The following SLC19A1 variants were observed in gnomAD, a reference collection of about 807,000 sequenced individuals.
SLC19A1 encodes reduced folate transporter.
In SLC19A1, 37 loss-of-function variants were observed where a neutral mutation model predicts 35.3. The ratio of observed to expected loss-of-function variants is 1.05; its 90% CI spans 0.81 to 1.38. The LOEUF is 1.38. Ranked by LOEUF, SLC19A1 falls within the 40% of genes most tolerant of loss-of-function variation. SLC19A1 has a pLI of 0.00. For synonymous variants in SLC19A1, 460 were observed against 398.5 expected (o/e 1.15, Z -1.84); for missense variants, 831 against 826.9 (o/e 1.00, Z -0.06).
intron 1 of SLC19A1, among the ~76,000 whole-genome samples, chr21:45,553,380 G>C (rs962716761): frequency 7.2e-5 from 11 of 151,948 alleles, no homozygotes; most frequent in African/African-American, 2.7e-4. Flanking sequence ...GAGCCACAGG[G>C]GACACGGCTC....
intron 1 of SLC19A1, among the ~76,000 whole-genome samples, chr21:45,538,456 C>T (rs886485522): frequency 6.6e-6 from 1 of 152,210 alleles, no homozygotes; most frequent in Non-Finnish European, 1.5e-5. Flanking sequence ...GCTGCTCTAG[C>T]GGCACCCAGG....
intron 1 of SLC19A1, among the ~76,000 whole-genome samples, chr21:45,541,389 T>A (rs1462409548): frequency 3.9e-5 from 6 of 152,170 alleles, no homozygotes; most frequent in Non-Finnish European, 2.9e-5. Context: ...GATCCTCGGG[T>A]CTCCGTAGGG....
chr21:45,509,231 G>A, downstream of SLC19A1: 1 of 1,319,596 alleles, frequency 7.6e-7, no homozygotes, highest in Non-Finnish European at 1.0e-6. Context: ...CAGAGTCGGG[G>A]GCGCAGCTCC....
In SLC19A1 at chr21:45,515,034, GGA is replaced by G. The variant is rs940465528; in HGVS notation, c.*622_*623del. The G allele has an allele frequency of 4.5e-6, 7 of 1,542,160 alleles. No individual in the cohort carries two copies. The African/African-American group carries it at 8.3e-5, about 18-fold the overall frequency. Reference sequence around the variant, plus strand: ...ACCATGGAGGGCTGCCCTTAGGGTGGGAGAGAGGAACCAGCTCCGAGGACCAG... The same window carrying G: ...ACCATGGAGGGCTGCCCTTAGGGTGGGAGAGGAACCAGCTCCGAGGACCAG... On this transcript the variant is annotated 3_prime_UTR_variant, in exon 6 of 6. Coordinates refer to ENST00000311124, the MANE Select transcript of SLC19A1 (RefSeq NM_194255.4).
chr21:45,512,562 G>T (rs1364828664), downstream of SLC19A1: 1 of 689,550 alleles, frequency 1.5e-6, no homozygotes, highest in African/African-American at 1.8e-5. Flanking sequence ...GGAAGCCAAA[G>T]AGTGTATTTT....
chr21:45,538,836 C>T (rs866355637), intron 1 of SLC19A1, among the ~76,000 whole-genome samples: 5 of 152,160 alleles, frequency 3.3e-5, no homozygotes, highest in Admixed American at 6.5e-5. Context: ...CACAGGACTT[C>T]ATCCACGAGG....
chr21:45,508,982 G>C (rs1329657777), downstream of SLC19A1, among the ~76,000 whole-genome samples: 1 of 152,126 alleles, frequency 6.6e-6, no homozygotes, highest in Non-Finnish European at 1.5e-5. Flanking sequence ...GGTCACCTCT[G>C]AGGGAGACAG....
Position 45,530,895 on chromosome 21 carries a change from G to C in SLC19A1, c.1026C>G (p.Val342=). The change falls in exon 4 of 6, where the codon GTC becomes GTG. Residue 342 remains valine (V), a synonymous_variant. Coordinates refer to ENST00000311124, the MANE Select transcript of SLC19A1 (RefSeq NM_194255.4). The surrounding 1 kb of genome is among the most constrained non-coding windows in gnomAD (Gnocchi z 5.3). ...ARWSKLLIAG[V]TATQAGLVFL... is the part of the protein sequence containing the mutation. ...AGACCAGCCCCGCCTGCGTGGCCGT[G>C]ACGCCCGCGATGAGCAGCTTGGACC... 1.4e-6 allele frequency: 2 copies of C among 1,480,920 alleles called. No individual in the cohort carries two copies. Among genetic ancestry groups the C allele is most frequent in the Non-Finnish European group, 8.9e-7 (1 of 1,118,006 alleles). The allele number at this position is 1,480,920 out of a possible 1,614,324, so 91.7% of individuals were successfully genotyped here. A position where few individuals can be genotyped will look rare whatever the true frequency, so the allele number is the denominator to read the frequency against.
rs201180574 is a variant in SLC19A1, at chr21:45,504,502, CGGCCCCCCCGGCCCCCCA to C, written c.498-5908_498-5891del. The C allele has an allele frequency of 8.6e-3, 12,187 of 1,414,374 alleles. 76 individuals carry two copies. The highest frequency in any genetic ancestry group is 0.038 in the African/African-American group (1,343 of 35,156). 87.6% of individuals were successfully genotyped at this position (1,414,374 alleles called of 1,614,324 possible). A position where few individuals can be genotyped will look rare whatever the true frequency, so the allele number is the denominator to read the frequency against. ...GCGGTTTCTTCGGCTCCAGCCTGCC[CGGCCCCCCCGGCCCCCCA>C]GGCCCCCCAGGCCCACGTGGCTACC... On this transcript the variant is annotated intron_variant, in intron 3 of 4. Coordinates refer to the SLC19A1 transcript ENST00000417954.
chr21:45,553,351 C>A (rs887475989), intron 1 of SLC19A1, among the ~76,000 whole-genome samples: 1 of 151,872 alleles, frequency 6.6e-6, no homozygotes, highest in African/African-American at 2.4e-5. Flanking sequence ...CATGAGGGTC[C>A]CCGGGATAAA....
intron 2 of SLC19A1, 21 bp downstream of exon 2, chr21:45,537,750 G>T (rs778619903): frequency 4.5e-6 from 1 of 219,864 alleles, no homozygotes; most frequent in Non-Finnish European, 6.1e-6. Context: ...GCGGCCGCCC[G>T]GCACCCCGGC....
chr21:45,504,245 C>A, intron 3 of SLC19A1: 3 of 881,936 alleles, frequency 3.4e-6, no homozygotes, highest in Non-Finnish European at 5.4e-6. Context: ...TTGGGGGACT[C>A]GGCTGATGCA....
At chr21:45,536,085 C>T (rs1027002578) in intron 2 of SLC19A1, 10 of 282,950 alleles carry the variant, frequency 3.5e-5, no homozygotes, top group Middle Eastern at 1.6e-3. Context: ...AAGCTCTCCC[C>T]GGGCCTCTCC....
chr21:45,532,123 A>T lies in SLC19A1; in HGVS notation c.215T>A (p.Leu72Gln). 6.2e-7 allele frequency: 1 copy of T among 1,606,340 alleles called. No individual in the cohort carries two copies. Among genetic ancestry groups the T allele is most frequent in the Non-Finnish European group, 8.5e-7 (1 of 1,175,210 alleles). ...EQVTNEITPV[L>Q]SYSYLAVLVP... ...CAGCACGGCCAGGTAGGAGTACGAC[A>T]GCACCGGCGTGATCTCGTTCGTGAC... Residue 72 changes from leucine to glutamine, a missense_variant, in exon 3 of 6, where the codon CTG becomes CAG. By Grantham distance (113) the Leu-to-Gln change is moderately radical. Coordinates refer to ENST00000311124, the MANE Select transcript of SLC19A1 (RefSeq NM_194255.4).
Position 45,562,088 on chromosome 21 carries a change from G to A in SLC19A1, c.-50+654C>T, listed in dbSNP as rs530119147. ...GGAGTTTGTAGTGAGCTGAGATCGC[G>A]CCATTGCACTCCAGTCTGGCAACAG... On this transcript the variant is annotated intron_variant, in intron 1 of 5. Coordinates refer to the SLC19A1 transcript ENST00000650808. 4.4e-5 allele frequency among the ~76,000 whole-genome samples: 6 copies of A among 137,816 alleles called. No individual in the cohort carries two copies. The East Asian group carries it at 6.6e-4, about 15-fold the overall frequency. 90.4% of individuals were successfully genotyped at this position (137,816 alleles called of 152,430 possible). A position where few individuals can be genotyped will look rare whatever the true frequency, so the allele number is the denominator to read the frequency against.
In SLC19A1 at chr21:45,533,501, T is replaced by G. The variant is rs367692375; in HGVS notation, c.190-1353A>C. Among the ~76,000 whole-genome samples, 39 of 152,190 alleles carry G rather than the reference T, an allele frequency of 2.6e-4. No homozygotes were observed. Among genetic ancestry groups the G allele is most frequent in the African/African-American group, 9.1e-4 (38 of 41,538 alleles). On this transcript the variant is annotated intron_variant, in intron 2 of 5. Transcript: ENST00000311124. The surrounding 1 kb of genome is among the most constrained non-coding windows in gnomAD (Gnocchi z 4.5). ...CCTTGCCCCTCCCTGGGGACTGATG[T>G]GGGAGCCACCCTATGCTTGGAGCCT...
downstream of SLC19A1, among the ~76,000 whole-genome samples, chr21:45,509,090 G>A (rs190032716): frequency 3.3e-5 from 5 of 151,784 alleles, no homozygotes; most frequent in African/African-American, 7.3e-5. Flanking sequence ...GTCAGGGCAC[G>A]TGGTGAGTGA....
At chr21:45,550,249 G>A (rs538296450) in intron 1 of SLC19A1, among the ~76,000 whole-genome samples, 5 of 152,104 alleles carry the variant, frequency 3.3e-5, no homozygotes, top group African/African-American at 9.7e-5. Context: ...CTGGGGAGGC[G>A]CCTCCTGCCT....
rs1039260433 is a variant in SLC19A1, at chr21:45,534,674, T to TCC, written c.190-2528_190-2527dup. ...CCCCCTTGGCAGCCACCCAGAGCCC[T>TCC]CCCGCTCCTCTCCCTGCACCTCCTC... On this transcript the variant is annotated intron_variant, in intron 2 of 5. Coordinates refer to ENST00000311124, the MANE Select transcript of SLC19A1 (RefSeq NM_194255.4). This position sits in a 1 kb window ranked among gnomAD's most constrained non-coding sequence, Gnocchi z 4.2. 35 of 1,317,066 alleles carry TCC rather than the reference T, an allele frequency of 2.7e-5. No homozygotes were observed. Among genetic ancestry groups the TCC allele is most frequent in the Non-Finnish European group, 3.6e-5 (34 of 950,056 alleles). 81.6% of individuals were successfully genotyped at this position (1,317,066 alleles called of 1,614,324 possible). A position where few individuals can be genotyped will look rare whatever the true frequency, so the allele number is the denominator to read the frequency against.
Sources: allele counts gnomAD v4.1 joint callset (sites outside exome capture counted in the v4.1 genomes callset), GRCh38; gene constraint gnomAD v4.1.1; non-coding constraint Gnocchi (gnomAD v3.1); transcripts MANE v1.5; gene names NCBI Gene and HGNC (gene_info 2026-07-23, HGNC 2026-07-21).